The following DNAAF9 variants were observed in gnomAD, a reference collection of about 807,000 sequenced individuals.
DNAAF9 encodes shulin.
In DNAAF9, 90 loss-of-function variants were observed where a neutral mutation model predicts 167.0. That is an observed-to-expected ratio of 0.54 (90% CI 0.45 to 0.64). The LOEUF is 0.64. DNAAF9 is among the 30% of genes least tolerant of loss of function. The pLI is 0.00. For synonymous variants in DNAAF9, 491 were observed against 508.8 expected, an observed-to-expected ratio of 0.96 and a Z score of 0.47; for missense variants, 1,315 against 1,442.2, an observed-to-expected ratio of 0.91 and a Z score of 1.43.
In DNAAF9 at chr20:3,381,338, C is replaced by T. The variant is rs763190942; in HGVS notation, c.283+41G>A. The T allele has an allele frequency of 1.8e-5, 27 of 1,504,342 alleles. No homozygotes were observed. The Middle Eastern group carries it at 5.6e-4, about 31-fold the overall frequency. 93.2% of individuals were successfully genotyped at this position (1,504,342 alleles called of 1,614,324 possible). A position where few individuals can be genotyped will look rare whatever the true frequency, so the allele number is the denominator to read the frequency against. On this transcript the variant is annotated intron_variant, in intron 3 of 36. Coordinates refer to ENST00000252032, the MANE Select transcript of DNAAF9 (RefSeq NM_001009984.3). ...AATAAGGATCCAAATAAATAAACCT[C>T]TTACTCTTCTATCACACAGAGTTTA...
intron 23 of DNAAF9, 52 bp downstream of exon 23, chr20:3,296,809 C>T: frequency 8.7e-7 from 1 of 1,144,952 alleles, no homozygotes; most frequent in Non-Finnish European, 1.3e-6. Context: ...GCAGAGAGAG[C>T]ACACCCACAA....
rs570803269 is a variant in DNAAF9, at chr20:3,290,024, G to A, written c.2327+105C>T. On this transcript the variant is annotated intron_variant, in intron 26 of 36. Transcript: ENST00000252032. The stretch of plus-strand genomic sequence containing the variant: ...TAAATGAATGGCTGACTACCATGCT[G>A]ATACCAGTCCCACCAAGGCCAGTAC... 1.2e-4 allele frequency: 90 copies of A among 736,298 alleles called. No individual in the cohort carries two copies. In the African/African-American group the frequency reaches 1.5e-3, roughly 13 times the overall value. 45.6% of individuals were successfully genotyped at this position (736,298 alleles called of 1,614,324 possible).
chr20:3,295,125 T>C (rs2069044849), intron 23 of DNAAF9, among the ~76,000 whole-genome samples: 1 of 151,868 alleles, frequency 6.6e-6, no homozygotes, highest in Non-Finnish European at 1.5e-5. Flanking sequence ...CACCTCGGCC[T>C]CCCAAAGTGC....
At position 3,260,007 on chromosome 20, in the gene DNAAF9, A is replaced by G. The variant is rs1335739126; in HGVS notation, c.2895T>C (p.Ala965=). The G allele has an allele frequency of 7.5e-6, 12 of 1,610,408 alleles. No homozygotes were observed. Among genetic ancestry groups the G allele is most frequent in the South Asian group, 2.2e-5 (2 of 91,008 alleles). ...GAACCATTAGGGGATAGACTGATCC[A>G]GCATTCAATTTACCTTCATACCTTA... ...YPGWYEGKLN[A]GSVYPLMVQI... Residue 965 remains alanine (A), a synonymous_variant, in exon 32 of 37, where the codon GCT becomes GCC. Transcript: ENST00000252032.
chr20:3,266,218 T>C (rs754639511), intron 30 of DNAAF9, among the ~76,000 whole-genome samples: 2 of 152,260 alleles, frequency 1.3e-5, no homozygotes, highest in Non-Finnish European at 2.9e-5. Context: ...GGTATCAGTT[T>C]GTCCCATTAC....
intron 29 of DNAAF9, among the ~76,000 whole-genome samples, chr20:3,276,555 G>A (rs1283806493): frequency 6.6e-6 from 1 of 152,164 alleles, no homozygotes; most frequent in Non-Finnish European, 1.5e-5. Context: ...AGACTAAAAG[G>A]GGCTTTTCTC....
intron 20 of DNAAF9, among the ~76,000 whole-genome samples, chr20:3,306,660 G>GT (rs1038071994): frequency 2.0e-5 from 3 of 152,032 alleles, no homozygotes; most frequent in Admixed American, 6.6e-5. Context: ...GTTCTCTCAT[G>GT]TTTTTTTTCT....
rs1244161822 is a variant in DNAAF9 at position 3,260,046 on chromosome 20, A to T, written c.2874-18T>A. ...CTTCATACCTTAAAAGGTTTAAAAA[A>T]TTTTAAGTACAGGCCGGGCGCGGTG... is the stretch of plus-strand genomic sequence containing the variant. On this transcript the variant is annotated intron_variant, in intron 31 of 36. Transcript: ENST00000252032. The T allele has an allele frequency of 4.0e-6, 6 of 1,498,606 alleles. No homozygotes were observed. The highest frequency in any genetic ancestry group is 4.7e-6 in the Non-Finnish European group (5 of 1,074,740). The allele number at this position is 1,498,606 out of a possible 1,614,324, so 92.8% of individuals were successfully genotyped here.
intron 8 of DNAAF9, among the ~76,000 whole-genome samples, chr20:3,344,267 T>C (rs1052657927): frequency 1.3e-5 from 2 of 152,220 alleles, no homozygotes; most frequent in East Asian, 3.8e-4. Flanking sequence ...TTTGGATGCA[T>C]AGTGTGAGGC....
chr20:3,380,760 T>C (rs932018274), intron 3 of DNAAF9, among the ~76,000 whole-genome samples: 1 of 152,216 alleles, frequency 6.6e-6, no homozygotes, highest in Non-Finnish European at 1.5e-5. Flanking sequence ...CCATCTGGCA[T>C]ACAAGACATG....
intron 6 of DNAAF9, among the ~76,000 whole-genome samples, chr20:3,364,389 CTT>C (rs1462200326): frequency 6.6e-6 from 1 of 152,052 alleles, no homozygotes; most frequent in Non-Finnish European, 1.5e-5. Flanking sequence ...AGTTAAGTAA[CTT>C]GAAAACAGTT....
At chr20:3,259,612 A>G in intron 32 of DNAAF9, 58 bp from the exon 33 acceptor site, 1 of 1,214,710 alleles carries the variant, frequency 8.2e-7, no homozygotes, top group Non-Finnish European at 1.2e-6. Context: ...CAAATTCAGG[A>G]CAGCACAGCT....
rs2069627727 is a variant in DNAAF9 at position 3,322,201 on chromosome 20, T to C, written c.1356+16A>G. 8 of 1,600,340 alleles carry C rather than the reference T, an allele frequency of 5.0e-6. No homozygotes were observed. The highest frequency in any genetic ancestry group is 1.1e-5 in the South Asian group (1 of 89,354). On this transcript the variant is annotated intron_variant, in intron 16 of 36. Coordinates refer to ENST00000252032, the MANE Select transcript of DNAAF9 (RefSeq NM_001009984.3). ...AGGCCATTCCCAGCCAGCTGACCCA[T>C]GATAGCTCTGCTTACCGTCTTCACA...
At chr20:3,319,262 C>CAAAAAAAAAAAAAAAA (rs57727958) in intron 16 of DNAAF9, among the ~76,000 whole-genome samples, 1 of 41,564 alleles carries the variant, frequency 2.4e-5, no homozygotes, top group African/African-American at 6.6e-5. Context: ...GACCCCGTCT[C>CAAAAAAAAAAAAAAAA]AAAAAAAAAA....
intron 23 of DNAAF9, chr20:3,295,567 GTCT>G (rs1044782654): frequency 2.8e-6 from 1 of 361,368 alleles, no homozygotes; most frequent in South Asian, 2.2e-5. Flanking sequence ...CACGAAGATG[GTCT>G]TCTTCAGGGC....
At chr20:3,402,563 A>T (rs1403960117) in intron 1 of DNAAF9, among the ~76,000 whole-genome samples, 1 of 151,240 alleles carries the variant, frequency 6.6e-6, no homozygotes, top group Non-Finnish European at 1.5e-5. Context: ...TCTACTCTCT[A>T]CTTCTATAAG....
At chr20:3,383,074 C>T (rs2083683343) in intron 1 of DNAAF9, among the ~76,000 whole-genome samples, 1 of 152,062 alleles carries the variant, frequency 6.6e-6, no homozygotes, top group Non-Finnish European at 1.5e-5. Context: ...TAGGGACAGC[C>T]GTTTGCTCAA....
chr20:3,340,754 G>A (rs2070067928), intron 9 of DNAAF9, 115 bp from the exon 10 acceptor site: 1 of 933,750 alleles, frequency 1.1e-6, no homozygotes, highest in Non-Finnish European at 1.7e-6. Flanking sequence ...CCTGAGCAAA[G>A]TGGTCAGTCA....
chr20:3,300,104 T>C (rs990836384), intron 21 of DNAAF9, among the ~76,000 whole-genome samples: 1 of 152,170 alleles, frequency 6.6e-6, no homozygotes, highest in African/African-American at 2.4e-5. Context: ...GGTTTCACCA[T>C]GCTGGCCAGG....
Sources: allele counts gnomAD v4.1 joint callset (sites outside exome capture counted in the v4.1 genomes callset), GRCh38; gene constraint gnomAD v4.1.1; transcripts MANE v1.5; gene names NCBI Gene and HGNC (gene_info 2026-07-23, HGNC 2026-07-21).